ARPP21: variants seen among roughly 807,000 people sequenced by gnomAD.
ARPP21 encodes the protein cAMP-regulated phosphoprotein 21.
A neutral mutation model predicts 113.2 loss-of-function variants in ARPP21; 69 were observed. That is an observed-to-expected ratio of 0.61 (90% confidence interval 0.50 to 0.74). The LOEUF (loss-of-function observed/expected upper bound fraction) is 0.74, where lower values mean the gene tolerates loss of function less well. Among genes scored for constraint, ARPP21 ranks in the 30% least tolerant of loss-of-function variants. The pLI, the probability that ARPP21 is intolerant of heterozygous loss-of-function variation, is 0.00. For missense variants in ARPP21, 1,070 were observed against 1,037.4 expected (o/e 1.03, Z -0.43); for synonymous variants, 368 against 375.5 (o/e 0.98, Z 0.23).
chr3:35,712,518 G>C (rs1351783474), intron 11 of ARPP21, among the ~76,000 whole-genome samples: 4 of 79,338 alleles, frequency 5.0e-5, no homozygotes, highest in East Asian at 3.8e-4. Context: ...AGGTGTCTGT[G>C]TGTGTGTGTG....
intron 9 of ARPP21, among the ~76,000 whole-genome samples, chr3:35,695,484 G>A (rs1207514440): frequency 6.6e-6 from 1 of 151,478 alleles, no homozygotes; most frequent in East Asian, 1.9e-4. Flanking sequence ...CAGAATCTCA[G>A]TCCTCTTAAA....
intron 13 of ARPP21, among the ~76,000 whole-genome samples, chr3:35,718,561 A>T (rs1230289070): frequency 6.6e-6 from 1 of 152,010 alleles, no homozygotes; most frequent in African/African-American, 2.4e-5. Context: ...GCTACCATAT[A>T]CTCAGGTTAG....
intron 2 of ARPP21, chr3:35,681,420 T>A: frequency 4.7e-6 from 1 of 212,066 alleles, no homozygotes; most frequent in East Asian, 1.0e-4. Context: ...TACTCTGTAG[T>A]GGAGAATGGG....
At chr3:35,748,197 G>A (rs572840937) in intron 19 of ARPP21, among the ~76,000 whole-genome samples, 3 of 143,518 alleles carry the variant, frequency 2.1e-5, no homozygotes, top group Admixed American at 7.1e-5. Context: ...GAAAGAAAGA[G>A]AGAGAGAGGG....
intron 1 of ARPP21, among the ~76,000 whole-genome samples, chr3:35,674,328 C>T (rs866041294): frequency 4.6e-5 from 7 of 152,004 alleles, no homozygotes; most frequent in Admixed American, 6.6e-5. Context: ...TATATGGTAT[C>T]GTTATCCACA....
chr3:35,737,630 T>C (rs964978757), intron 16 of ARPP21, among the ~76,000 whole-genome samples: 3 of 152,312 alleles, frequency 2.0e-5, no homozygotes, highest in African/African-American at 7.2e-5. Context: ...CTAAATGCCC[T>C]TTTTTTAAAT....
Position 35,660,536 on chromosome 3 carries a change from C to A in ARPP21, c.-212-19251C>A, listed in dbSNP as rs537268441. On this transcript the variant is annotated intron_variant, in intron 1 of 20. Coordinates refer to ENST00000684406, the MANE Select transcript of ARPP21 (RefSeq NM_001385562.1). ...CCCTCGAAATCTCTTCTGTGCCATC[C>A]TTGGAGAAAGGTCTGGAAAAGGAGA... Among the ~76,000 whole-genome samples, 194 of 152,258 alleles carry A rather than the reference C, an allele frequency of 1.3e-3. 2 individuals are homozygous for A. Among genetic ancestry groups the A allele is most frequent in the African/African-American group, 3.7e-3 (153 of 41,550 alleles).
rs2096231582 is a variant in ARPP21, at chr3:35,772,298, C to T, written c.2138-20084C>T. Reference sequence around the variant, plus strand: ...AAAAATTGTGTCATAATAATATTTACCAAATTGTCCTAATAAAACAGTTCT... The same window carrying T: ...AAAAATTGTGTCATAATAATATTTATCAAATTGTCCTAATAAAACAGTTCT... On this transcript the variant is annotated intron_variant, in intron 19 of 20. Coordinates refer to ENST00000684406, the MANE Select transcript of ARPP21 (RefSeq NM_001385562.1). Among the ~76,000 whole-genome samples, 8 of 152,246 alleles carry T rather than the reference C, an allele frequency of 5.3e-5. No individual in the cohort carries two copies. The South Asian group carries it at 1.7e-3, about 32-fold the overall frequency.
chr3:35,656,712 ACTGTTCTGTAGC>A lies in ARPP21; in HGVS notation c.-213+16318_-213+16329del, dbSNP rs1705111039. 2.0e-5 allele frequency among the ~76,000 whole-genome samples: 3 copies of A among 151,912 alleles called. No individual in the cohort carries two copies. In the South Asian group the frequency reaches 6.2e-4, roughly 31 times the overall value. The stretch of plus-strand genomic sequence containing the variant: ...CGTATGAGGAAGTTAAAAAACTGGA[ACTGTTCTGTAGC>A]CTGATAGTGATGGTGGTTATATAAA... On this transcript the variant is annotated intron_variant, in intron 1 of 20. Coordinates refer to ENST00000684406, the MANE Select transcript of ARPP21 (RefSeq NM_001385562.1).
intron 1 of ARPP21, among the ~76,000 whole-genome samples, chr3:35,643,982 CAT>C: frequency 1.3e-5 from 2 of 152,094 alleles, no homozygotes; most frequent in African/African-American, 4.8e-5. Context: ...ATTTGTAAAA[CAT>C]ATACTTCCTT....
chr3:35,655,129 T>C (rs1343032046), intron 1 of ARPP21, among the ~76,000 whole-genome samples: 2 of 152,016 alleles, frequency 1.3e-5, no homozygotes, highest in Non-Finnish European at 2.9e-5. Flanking sequence ...CTAGGTTTAC[T>C]CCGGTAAGTT....
chr3:35,737,416 A>G (rs11927763), intron 16 of ARPP21, 54 bp downstream of exon 16: 207,675 of 1,246,930 alleles, frequency 0.17, 19,099 homozygotes, highest in African/African-American at 0.19. Flanking sequence ...TGAAGGCTAC[A>G]TAGTCCTCAG....
chr3:35,711,770 T>C (rs191493366), intron 11 of ARPP21, among the ~76,000 whole-genome samples: 1 of 152,336 alleles, frequency 6.6e-6, no homozygotes, highest in Non-Finnish European at 1.5e-5. Flanking sequence ...TTCCTTACAA[T>C]GTAGGCTTCT....
chr3:35,668,008 GAAGAAGAA>G (rs1400185674), intron 1 of ARPP21, among the ~76,000 whole-genome samples: 26 of 150,392 alleles, frequency 1.7e-4, no homozygotes, highest in Admixed American at 9.9e-4. Context: ...AGAAGAAGAA[GAAGAAGAA>G]GAAGAAGAAG....
chr3:35,750,043 A>G (rs1033150939), intron 19 of ARPP21, among the ~76,000 whole-genome samples: 1 of 146,702 alleles, frequency 6.8e-6, no homozygotes, highest in Non-Finnish European at 1.5e-5. Flanking sequence ...TTTAGCTTCA[A>G]TTTCACTGAT....
rs2278757 is a variant in ARPP21, at chr3:35,737,281, A to T, written c.1563A>T (p.Pro521=). The T allele has an allele frequency of 1.2e-6, 2 of 1,612,420 alleles. No individual in the cohort carries two copies. Among genetic ancestry groups the T allele is most frequent in the Admixed American group, 3.3e-5 (2 of 59,928 alleles). ...TGGTGGGGCAGTCCCAACAGCAGCC[A>T]CCACAGCAGCAGCCCTCCCCGCAGC... ...SAMVGQSQQQ[P]PQQQPSPQPQ... is the part of the protein sequence containing the mutation. The change falls in exon 16 of 21, where the codon CCA becomes CCT. Residue 521 remains proline, a synonymous_variant. Coordinates refer to ENST00000684406, the MANE Select transcript of ARPP21 (RefSeq NM_001385562.1).
In ARPP21 at chr3:35,659,784, A is replaced by T. The variant is rs531795848; in HGVS notation, c.-213+19386A>T. On this transcript the variant is annotated intron_variant, in intron 1 of 20. Transcript: ENST00000684406. ...GTAAGATGAGTTTCTCAAAAGGAGA[A>T]AACCTTTAGAGAATAAAGGTGGCTG... Among the ~76,000 whole-genome samples, 4 of 152,320 alleles carry T rather than the reference A, an allele frequency of 2.6e-5. No individual in the cohort carries two copies. The East Asian group carries it at 7.7e-4, about 29-fold the overall frequency.
intron 18 of ARPP21, 56 bp downstream of exon 18, chr3:35,739,633 C>G (rs1576478408): frequency 6.5e-7 from 1 of 1,533,952 alleles, no homozygotes; most frequent in African/African-American, 1.4e-5. Context: ...GCATTTTGAC[C>G]TTTATCTTTC....
chr3:35,791,173 G>A (rs2096740083), intron 19 of ARPP21, among the ~76,000 whole-genome samples: 1 of 152,272 alleles, frequency 6.6e-6, no homozygotes, highest in African/African-American at 2.4e-5. Flanking sequence ...ATAATATAAT[G>A]TGGTCCTTCT....
Sources: gnomAD v4.1 joint callset for allele counts (sites outside exome capture counted in the v4.1 genomes callset) on GRCh38, gnomAD v4.1.1 for gene constraint, MANE v1.5 for transcripts, NCBI Gene and HGNC (gene_info 2026-07-23, HGNC 2026-07-21) for gene names.